The following CNTN5 variants were observed in gnomAD, a reference collection of about 807,000 sequenced individuals.
CNTN5 encodes contactin-5.
CNTN5 carries 77 observed loss-of-function variants against 129.1 expected under a neutral mutation model. That is an observed-to-expected ratio of 0.60 (90% CI 0.50 to 0.72). The LOEUF is 0.72. Among genes scored for constraint, CNTN5 ranks in the 30% least tolerant of loss-of-function variants. The pLI, the probability that CNTN5 is intolerant of heterozygous loss-of-function variation, is 0.00. For missense variants in CNTN5, 1,478 were observed against 1,328.8 expected, an observed-to-expected ratio of 1.11 and a Z score of -1.75; for synonymous variants, 509 against 465.6, an observed-to-expected ratio of 1.09 and a Z score of -1.20.
intron 3 of CNTN5, among the ~76,000 whole-genome samples, chr11:99,805,974 G>T (rs1946256536): frequency 6.6e-6 from 1 of 152,104 alleles, no homozygotes; most frequent in South Asian, 2.1e-4. Flanking sequence ...AGAAATATTT[G>T]GACAGCATGT....
chr11:100,180,773 C>A (rs1948114526), intron 13 of CNTN5, among the ~76,000 whole-genome samples: 1 of 151,860 alleles, frequency 6.6e-6, no homozygotes, highest in Admixed American at 6.6e-5. Context: ...ACTCTCAACA[C>A]TTATCAGGAA....
intron 6 of CNTN5, among the ~76,000 whole-genome samples, chr11:99,886,080 A>G (rs910893014): frequency 6.6e-6 from 1 of 152,130 alleles, no homozygotes; most frequent in Non-Finnish European, 1.5e-5. Flanking sequence ...ATAATCTCTG[A>G]TAACTTTGAG....
intron 18 of CNTN5, among the ~76,000 whole-genome samples, chr11:100,291,111 G>A (rs1950954481): frequency 6.7e-6 from 1 of 148,672 alleles, no homozygotes; most frequent in Non-Finnish European, 1.5e-5. Flanking sequence ...GGAAACAACA[G>A]GTGCTGGAGA....
At chr11:99,694,899 C>T (rs1384512561) in intron 3 of CNTN5, among the ~76,000 whole-genome samples, 5 of 152,106 alleles carry the variant, frequency 3.3e-5, no homozygotes, top group Admixed American at 3.3e-4. Context: ...CAAAATTCCC[C>T]ATTTTACTGA....
At chr11:99,669,917 G>A (rs924903050) in intron 3 of CNTN5, among the ~76,000 whole-genome samples, 4 of 152,112 alleles carry the variant, frequency 2.6e-5, no homozygotes, top group African/African-American at 4.8e-5. Flanking sequence ...AATCCAATGA[G>A]GGTTTTGGGA....
chr11:99,630,690 C>A (rs908591656), intron 3 of CNTN5, among the ~76,000 whole-genome samples: 1 of 152,060 alleles, frequency 6.6e-6, no homozygotes, highest in African/African-American at 2.4e-5. Context: ...AACACATTCT[C>A]TGTCCGGGGT....
chr11:99,853,419 G>T (rs945852593), intron 6 of CNTN5, among the ~76,000 whole-genome samples: 1 of 151,350 alleles, frequency 6.6e-6, no homozygotes, highest in African/African-American at 2.4e-5. Context: ...ATTTTTTTGA[G>T]ACGGAGTTTT....
chr11:99,716,695 A>G lies in CNTN5; in HGVS notation c.56-102849A>G, dbSNP rs1360612589. 3.3e-5 allele frequency among the ~76,000 whole-genome samples: 5 copies of G among 152,198 alleles called. No individual in the cohort carries two copies. In the East Asian group the frequency reaches 9.7e-4, roughly 29 times the overall value. On this transcript the variant is annotated intron_variant, in intron 3 of 24. Coordinates refer to ENST00000524871, the MANE Select transcript of CNTN5 (RefSeq NM_014361.4). ...AATTAATATTGCAACCAGCTTTTGT[A>G]TGGGGGTAAGGATAGAGCTCTCAAT...
intron 1 of CNTN5, among the ~76,000 whole-genome samples, chr11:99,242,777 C>T (rs932200382): frequency 6.6e-5 from 10 of 152,084 alleles, no homozygotes; most frequent in Non-Finnish European, 1.3e-4. Context: ...AGGATAATGG[C>T]CTCCAGCTCC....
intron 6 of CNTN5, among the ~76,000 whole-genome samples, chr11:99,871,818 C>T (rs1157894903): frequency 6.6e-6 from 1 of 151,778 alleles, no homozygotes; most frequent in Non-Finnish European, 1.5e-5. Flanking sequence ...CTGATTAAAT[C>T]TAGTGATTGA....
chr11:99,086,072 A>G (rs1865994112), intron 1 of CNTN5, among the ~76,000 whole-genome samples: 1 of 152,232 alleles, frequency 6.6e-6, no homozygotes, highest in Non-Finnish European at 1.5e-5. Flanking sequence ...TTAGTACTGC[A>G]TCCTGCATTG....
intron 15 of CNTN5, among the ~76,000 whole-genome samples, chr11:100,199,396 T>A (rs945126309): frequency 2.6e-5 from 4 of 151,882 alleles, no homozygotes; most frequent in Non-Finnish European, 4.4e-5. Context: ...GCTGGCAACC[T>A]AGTAATCCAC....
At chr11:99,742,394 T>C (rs1943915187) in intron 3 of CNTN5, among the ~76,000 whole-genome samples, 1 of 152,150 alleles carries the variant, frequency 6.6e-6, no homozygotes, top group Non-Finnish European at 1.5e-5. Context: ...CTAATAAGAC[T>C]GGAATGGAAA....
chr11:99,779,357 G>C (rs1285872918), intron 3 of CNTN5, among the ~76,000 whole-genome samples: 1 of 151,974 alleles, frequency 6.6e-6, no homozygotes. Context: ...TTCAAGCAAA[G>C]TAGTTATAAA....
At chr11:99,855,012 CA>C (rs1463180910) in intron 6 of CNTN5, among the ~76,000 whole-genome samples, 1 of 152,072 alleles carries the variant, frequency 6.6e-6, no homozygotes, top group East Asian at 1.9e-4. Context: ...AAGTAACTCT[CA>C]AAAAAGACCT....
At chr11:99,176,615 T>C (rs769922972) in intron 1 of CNTN5, among the ~76,000 whole-genome samples, 1 of 152,248 alleles carries the variant, frequency 6.6e-6, no homozygotes, top group African/African-American at 2.4e-5. Flanking sequence ...TATTAGCTTC[T>C]CTTTTTCTTA....
intron 3 of CNTN5, among the ~76,000 whole-genome samples, chr11:99,606,956 A>G (rs1241228737): frequency 5.0e-4 from 58 of 116,044 alleles, no homozygotes; most frequent in Non-Finnish European, 7.1e-4. Context: ...TTCAAGATGG[A>G]TTAAAGATTT....
At chr11:99,242,485 T>G (rs546208751) in intron 1 of CNTN5, among the ~76,000 whole-genome samples, 26 of 152,212 alleles carry the variant, frequency 1.7e-4, no homozygotes, top group Non-Finnish European at 2.9e-5. Flanking sequence ...ACTTTTTTTT[T>G]CTTTCAACTT....
At chr11:100,066,730 T>G (rs931844516) in intron 10 of CNTN5, among the ~76,000 whole-genome samples, 1 of 150,926 alleles carries the variant, frequency 6.6e-6, no homozygotes, top group Non-Finnish European at 1.5e-5. Flanking sequence ...CCCAGACAGA[T>G]GAAAGACTTT....
Sources: gnomAD v4.1 joint callset for allele counts (sites outside exome capture counted in the v4.1 genomes callset) on GRCh38, gnomAD v4.1.1 for gene constraint, MANE v1.5 for transcripts, NCBI Gene and HGNC (gene_info 2026-07-23, HGNC 2026-07-21) for gene names.